The following DRC7 variants were observed in gnomAD, a reference collection of about 807,000 sequenced individuals.
DRC7 encodes coiled-coil domain containing 135.
DRC7 carries 80 observed loss-of-function variants against 104.4 expected under a neutral mutation model. That is an observed-to-expected ratio of 0.77 (90% CI 0.64 to 0.92). The LOEUF (loss-of-function observed/expected upper bound fraction) is 0.92, where lower values mean the gene tolerates loss of function less well. Ranked by LOEUF, DRC7 falls within the 40% of genes least tolerant of loss-of-function variation. The pLI is 0.00. For missense variants in DRC7, 1,034 were observed against 1,141.1 expected (o/e 0.91, Z 1.35); for synonymous variants, 405 against 447.3 (o/e 0.91, Z 1.19).
chr16:57,701,801 T>G, intron 5 of DRC7, 135 bp from the exon 6 acceptor site: 1 of 679,346 alleles, frequency 1.5e-6, no homozygotes, highest in Non-Finnish European at 2.5e-6. Context: ...CCCACAAGGG[T>G]TAGGGGCCCA....
At chr16:57,726,461 C>T (rs2048967073) in intron 14 of DRC7, 178 bp downstream of exon 14, 1 of 618,470 alleles carries the variant, frequency 1.6e-6, no homozygotes, top group Non-Finnish European at 2.8e-6. Flanking sequence ...CTTTGAGCTC[C>T]TCTGAAAATC....
chr16:57,725,145 G>A (rs1387935522), intron 13 of DRC7, among the ~76,000 whole-genome samples: 3 of 143,640 alleles, frequency 2.1e-5, no homozygotes, highest in African/African-American at 8.7e-5. Flanking sequence ...CTAGTGAAAA[G>A]GGTCCTTTCC....
Position 57,723,141 on chromosome 16 carries a change from C to T in DRC7, c.1537+11C>T, listed in dbSNP as rs745362934. On this transcript the variant is annotated intron_variant, in intron 12 of 18. Coordinates refer to ENST00000360716, the MANE Select transcript of DRC7 (RefSeq NM_001289162.2). ...CCCAGGCTCTGCGCGGTGCGTGGCT[C>T]CCCTTTCCTGGGCCACCCAGGAGCC... is the stretch of plus-strand genomic sequence containing the variant. The T allele has an allele frequency of 6.2e-7, 1 of 1,612,118 alleles. No individual in the cohort carries two copies. The highest frequency in any genetic ancestry group is 1.7e-5 in the Admixed American group (1 of 59,870).
At position 57,697,912 on chromosome 16, in the gene DRC7, G is replaced by A; in HGVS notation, c.-37-1G>A. The A allele has an allele frequency of 6.3e-7, 1 of 1,599,586 alleles. No individual in the cohort carries two copies. Among genetic ancestry groups the A allele is most frequent in the Non-Finnish European group, 8.5e-7 (1 of 1,172,796 alleles). ...TGGAGTATACTTACCCTTCCCCACA[G>A]AGACATTCCATCTCCAGACACCCAG... On this transcript the variant is annotated splice_acceptor_variant, in intron 2 of 18. Transcript: ENST00000360716. LOFTEE classifies it low-confidence loss of function (5UTR_SPLICE).
intron 4 of DRC7, 100 bp downstream of exon 4, chr16:57,699,124 C>T: frequency 7.2e-7 from 1 of 1,393,524 alleles, no homozygotes; most frequent in Non-Finnish European, 9.8e-7. Context: ...TGGGCCAAAT[C>T]ACGGACCTCC....
chr16:57,726,507 A>C (rs1390594366), intron 14 of DRC7: 2 of 580,848 alleles, frequency 3.4e-6, no homozygotes, highest in East Asian at 5.8e-5. Flanking sequence ...TCAGCAGGCT[A>C]AGACGACTCT....
In DRC7 at chr16:57,723,128, G is replaced by A. The variant is rs112796488; in HGVS notation, c.1535G>A (p.Arg512His). The A allele has an allele frequency of 1.5e-5, 24 of 1,612,940 alleles. No homozygotes were observed. The highest frequency in any genetic ancestry group is 3.3e-4 in the Middle Eastern group (2 of 6,054). ...AAGCCTGGCCACCCCCAGGCTCTGC[G>A]CGGTGCGTGGCTCCCCTTTCCTGGG... is the stretch of plus-strand genomic sequence containing the variant. ...YFKPGHPQALRVHSYKSMQPE... is the reference protein window; with the variant it reads ...YFKPGHPQALHVHSYKSMQPE... Residue 512 changes from arginine (R) to histidine (H), a missense_variant and splice_region_variant, in exon 12 of 19, where the codon CGC becomes CAC. Physicochemically the swap from Arg to His is conservative, Grantham distance 29. Transcript: ENST00000360716.
chr16:57,730,931 G>A lies in DRC7; in HGVS notation c.2392G>A (p.Glu798Lys). 6.2e-7 allele frequency: 1 copy of A among 1,613,132 alleles called. No homozygotes were observed. Among genetic ancestry groups the A allele is most frequent in the Non-Finnish European group, 8.5e-7 (1 of 1,179,840 alleles). Residue 798 changes from glutamate (E) to lysine (K), a missense_variant and splice_region_variant, in exon 18 of 19, where the codon GAG (glutamate) becomes AAG (lysine). By Grantham distance (56) the Glu-to-Lys change is moderately conservative. Coordinates refer to ENST00000360716, the MANE Select transcript of DRC7 (RefSeq NM_001289162.2). ...TTCTCTGTCTGCCCTATGACCACAG[G>A]AGACCCAGGAGCTGCAAAAGAAGCA... ...ANLIQARFEK[E>K]TQELQKKQQW...
At chr16:57,707,321 C>A in intron 7 of DRC7, 139 bp from the exon 8 acceptor site, 1 of 692,818 alleles carries the variant, frequency 1.4e-6, no homozygotes, top group Non-Finnish European at 2.4e-6. Context: ...GGGAGATGGG[C>A]CGTCACACTC....
chr16:57,729,705 GGAT>G (rs1258106541), intron 17 of DRC7, among the ~76,000 whole-genome samples: 5 of 119,882 alleles, frequency 4.2e-5, no homozygotes, highest in Admixed American at 1.6e-4. Flanking sequence ...ATGGATGGAT[GGAT>G]GATGGATGGA....
At chr16:57,719,141 T>C (rs1325878820) in intron 9 of DRC7, among the ~76,000 whole-genome samples, 1 of 152,130 alleles carries the variant, frequency 6.6e-6, no homozygotes, top group Non-Finnish European at 1.5e-5. Flanking sequence ...CTTTCTTGTC[T>C]GTTCTGTCAG....
At position 57,731,232 on chromosome 16, in the gene DRC7, G is replaced by T. The variant is rs1597818494; in HGVS notation, c.2599G>T (p.Gly867Trp). 20 of 1,613,616 alleles carry T rather than the reference G, an allele frequency of 1.2e-5. No homozygotes were observed. Among genetic ancestry groups the T allele is most frequent in the Non-Finnish European group, 1.6e-5 (19 of 1,179,946 alleles). Residue 867 changes from glycine to tryptophan, a missense_variant, in exon 19 of 19, where the codon GGG (glycine) becomes TGG (tryptophan). Physicochemically the swap from Gly to Trp is radical, Grantham distance 184. Transcript: ENST00000360716. The part of the protein sequence containing the change: ...EEKLYKDPRL[G>W]ELQKIFA ...AAAGCTCTACAAGGACCCACGCCTG[G>T]GGGAGCTCCAGAAAATATTCGCTTG... is the stretch of plus-strand genomic sequence containing the variant.
intron 17 of DRC7, among the ~76,000 whole-genome samples, chr16:57,730,047 CGG>C (rs1567891317): frequency 1.8e-4 from 16 of 89,956 alleles, no homozygotes; most frequent in African/African-American, 7.0e-4. Context: ...GACGGATGGA[CGG>C]ATGGATGGAT....
At chr16:57,726,373 G>C in intron 14 of DRC7, 90 bp downstream of exon 14, 1 of 1,098,374 alleles carries the variant, frequency 9.1e-7, no homozygotes, top group Non-Finnish European at 1.4e-6. Context: ...GAACCAGGAT[G>C]GGCGCTGGTG....
intron 13 of DRC7, among the ~76,000 whole-genome samples, 161 bp downstream of exon 13, chr16:57,724,996 T>C (rs1484187847): frequency 6.6e-6 from 1 of 152,188 alleles, no homozygotes; most frequent in Non-Finnish European, 1.5e-5. Context: ...TATTAGTCTG[T>C]TCTCATGCTG....
chr16:57,726,009 A>C (rs1348960856), intron 13 of DRC7, 59 bp from the exon 14 acceptor site: 5 of 1,478,990 alleles, frequency 3.4e-6, no homozygotes, highest in Non-Finnish European at 4.6e-6. Flanking sequence ...GGGCATGCAC[A>C]GAAATCTCCT....
At chr16:57,721,367 G>A (rs1264103186) in intron 9 of DRC7, among the ~76,000 whole-genome samples, 1 of 152,178 alleles carries the variant, frequency 6.6e-6, no homozygotes, top group Non-Finnish European at 1.5e-5. Flanking sequence ...AGCTGGTCTT[G>A]GAGAGAGGGT....
chr16:57,716,565 G>A (rs532659881), intron 8 of DRC7, among the ~76,000 whole-genome samples: 1 of 150,586 alleles, frequency 6.6e-6, no homozygotes, highest in Non-Finnish European at 1.5e-5. Context: ...TATCCACTAA[G>A]CCCATTAAGC....
At chr16:57,710,082 G>T (rs561083001) in intron 8 of DRC7, among the ~76,000 whole-genome samples, 1 of 152,166 alleles carries the variant, frequency 6.6e-6, no homozygotes, top group Non-Finnish European at 1.5e-5. Flanking sequence ...GATTGTGGTT[G>T]AGATTATACT....
Sources: allele counts gnomAD v4.1 joint callset (sites outside exome capture counted in the v4.1 genomes callset), GRCh38; gene constraint gnomAD v4.1.1; transcripts MANE v1.5; gene names NCBI Gene and HGNC (gene_info 2026-07-23, HGNC 2026-07-21).